The following SPP1 variants were observed in gnomAD, a reference collection of about 807,000 sequenced individuals.
SPP1 encodes osteopontin.
Under a neutral mutation model 20.8 loss-of-function variants are expected in SPP1, and 18 were observed. The ratio of observed to expected loss-of-function variants is 0.87; its 90% confidence interval spans 0.60 to 1.29. The LOEUF is 1.29. Ranked by LOEUF, SPP1 falls within the 50% of genes most tolerant of loss-of-function variation. The pLI is 0.00. For missense variants in SPP1, 363 were observed against 389.0 expected (o/e 0.93, Z 0.56); for synonymous variants, 146 against 141.5 (o/e 1.03, Z -0.23).
chr4:87,977,119 A>G (rs1261584583), intron 3 of SPP1, 22 bp downstream of exon 3: 7 of 1,608,784 alleles, frequency 4.4e-6, no homozygotes, highest in Non-Finnish European at 5.9e-6. Flanking sequence ...TTATGTTTTT[A>G]TATAGTTAAA....
chr4:87,982,919 C>A lies in SPP1; in HGVS notation c.*23C>A. ...TAAAAGGAGAAAAAATACAATTTCTCACTTTGCATTTAGTCAAAAGAAAAA... is the reference window on the plus strand; with the variant it reads ...TAAAAGGAGAAAAAATACAATTTCTAACTTTGCATTTAGTCAAAAGAAAAA... On this transcript the variant is annotated 3_prime_UTR_variant, in exon 7 of 7. Coordinates refer to ENST00000395080, the MANE Select transcript of SPP1 (RefSeq NM_001040058.2). 1 of 1,560,866 alleles carries A rather than the reference C, an allele frequency of 6.4e-7. No individual in the cohort carries two copies. The highest frequency in any genetic ancestry group is 1.2e-5 in the South Asian group (1 of 81,812).
intron 6 of SPP1, 50 bp from the exon 7 acceptor site, chr4:87,982,442 C>T (rs539381992): frequency 1.9e-6 from 3 of 1,575,100 alleles, no homozygotes; most frequent in African/African-American, 2.7e-5. Context: ...TTACCATATT[C>T]CCATCCCTAG....
At chr4:87,979,109 T>C (rs1212275293) in intron 3 of SPP1, among the ~76,000 whole-genome samples, 5 of 152,122 alleles carry the variant, frequency 3.3e-5, no homozygotes, top group African/African-American at 1.2e-4. Flanking sequence ...CATATGGCTA[T>C]TGAGCACTCA....
intron 3 of SPP1, among the ~76,000 whole-genome samples, chr4:87,979,161 CTTTTTTTTT>C (rs10596032): frequency 9.3e-6 from 1 of 107,256 alleles, no homozygotes; most frequent in Non-Finnish European, 1.8e-5. Context: ...TTTTTATCTT[CTTTTTTTTT>C]TTTTTTTTTT....
intron 5 of SPP1, 93 bp downstream of exon 5, chr4:87,980,527 A>C: frequency 7.2e-7 from 1 of 1,395,176 alleles, no homozygotes; most frequent in Non-Finnish European, 9.9e-7. Flanking sequence ...TTTCATTAGC[A>C]AGTTTTCCAG....
chr4:87,982,346 T>TA, intron 6 of SPP1, 146 bp from the exon 7 acceptor site: 1 of 939,492 alleles, frequency 1.1e-6, no homozygotes, highest in South Asian at 1.8e-5. Context: ...TAAAGTACTA[T>TA]ACAAAGTAAC....
chr4:87,981,368 A>T, intron 5 of SPP1, 107 bp from the exon 6 acceptor site: 1 of 1,055,246 alleles, frequency 9.5e-7, no homozygotes, highest in Non-Finnish European at 1.3e-6. Context: ...GAATGCAAAG[A>T]TTCTGAAACT....
intron 3 of SPP1, among the ~76,000 whole-genome samples, chr4:87,978,915 G>A (rs1224632263): frequency 6.6e-6 from 1 of 152,078 alleles, no homozygotes; most frequent in Non-Finnish European, 1.5e-5. Context: ...GGATGATTCA[G>A]CAGATCAGAT....
Position 87,981,777 on chromosome 4 carries a change from G to A in SPP1, c.519G>A (p.Lys173=). The A allele has an allele frequency of 6.2e-7, 1 of 1,613,878 alleles. No individual in the cohort carries two copies. Among genetic ancestry groups the A allele is most frequent in the Non-Finnish European group, 8.5e-7 (1 of 1,179,796 alleles). ...VVYGLRSKSK[K]FRRPDIQYPD... Reference sequence around the variant, plus strand: ...ATGGACTGAGGTCAAAATCTAAGAAGTTTCGCAGACCTGACATCCAGGTAA... The same window carrying A: ...ATGGACTGAGGTCAAAATCTAAGAAATTTCGCAGACCTGACATCCAGGTAA... The change falls in exon 6 of 7, where the codon AAG becomes AAA. Residue 173 remains lysine, a synonymous_variant. Transcript: ENST00000395080.
intron 3 of SPP1, among the ~76,000 whole-genome samples, chr4:87,978,528 G>A (rs981287301): frequency 1.1e-4 from 16 of 151,070 alleles, no homozygotes; most frequent in Admixed American, 4.6e-4. Flanking sequence ...GACTACAGGC[G>A]CCCGCCACCA....
rs535179470 is a variant in SPP1, at chr4:87,981,687, C to A, written c.429C>A (p.Thr143=). The change falls in exon 6 of 7, where the codon ACC becomes ACA. Residue 143 remains threonine (T), a synonymous_variant. Coordinates refer to ENST00000395080, the MANE Select transcript of SPP1 (RefSeq NM_001040058.2). The stretch of plus-strand genomic sequence containing the variant: ...ATTTTCCCACGGACCTGCCAGCAAC[C>A]GAAGTTTTCACTCCAGTTGTCCCCA... ...VTDFPTDLPA[T]EVFTPVVPTV... is the part of the protein sequence containing the mutation. The A allele has an allele frequency of 1.9e-4, 303 of 1,614,138 alleles. 4 individuals carry two copies. The South Asian group carries it at 3.0e-3, about 16-fold the overall frequency.
At position 87,982,654 on chromosome 4, in the gene SPP1, G is replaced by A. The variant is rs1725702283; in HGVS notation, c.703G>A (p.Ala235Thr). Residue 235 changes from alanine (A) to threonine (T), a missense_variant, in exon 7 of 7, where the codon GCT (alanine) becomes ACT (threonine). Ala to Thr is a moderately conservative substitution (Grantham distance 58). Transcript: ENST00000395080. Reference protein sequence around the residue: ...YETSQLDDQSAETHSHKQSRL... With the variant: ...YETSQLDDQSTETHSHKQSRL... ...AACGAGTCAGCTGGATGACCAGAGT[G>A]CTGAAACCCACAGCCACAAGCAGTC... is the stretch of plus-strand genomic sequence containing the variant. The A allele has an allele frequency of 6.2e-7, 1 of 1,613,978 alleles. No individual in the cohort carries two copies. Among genetic ancestry groups the A allele is most frequent in the African/African-American group, 1.3e-5 (1 of 74,890 alleles).
Position 87,982,896 on chromosome 4 carries a change from A to C in SPP1, c.945A>C (p.Ter315TyrextTer12), listed in dbSNP as rs1725722264. The change falls in exon 7 of 7, where the codon TAA becomes TAC. Residue 315 changes from the stop codon to tyrosine (Y), a stop_lost. Coordinates refer to ENST00000395080, the MANE Select transcript of SPP1 (RefSeq NM_001040058.2). ...ELDSASSEVN[*>Y] ...ATAGTGCATCTTCTGAGGTCAATTA[A>C]AAGGAGAAAAAATACAATTTCTCAC... is the stretch of plus-strand genomic sequence containing the variant. The C allele has an allele frequency of 1.9e-6, 3 of 1,580,772 alleles. No homozygotes were observed. The East Asian group carries it at 6.7e-5, about 36-fold the overall frequency.
At chr4:87,981,005 C>T (rs900861885) in intron 5 of SPP1, among the ~76,000 whole-genome samples, 2 of 152,156 alleles carry the variant, frequency 1.3e-5, no homozygotes, top group East Asian at 1.9e-4. Context: ...ATAACAGAGT[C>T]ACCTTTCAAT....
At chr4:87,981,840 C>T (rs1289471413) in intron 6 of SPP1, 42 bp downstream of exon 6, 1 of 1,565,534 alleles carries the variant, frequency 6.4e-7, no homozygotes. Flanking sequence ...CTGACTAGCG[C>T]TCAAGTCTAG....
At chr4:87,981,887 C>A in intron 6 of SPP1, 89 bp downstream of exon 6, 1 of 1,110,688 alleles carries the variant, frequency 9.0e-7, no homozygotes, top group Non-Finnish European at 1.3e-6. Flanking sequence ...TTCATTCATC[C>A]ATTCATTCAT....
At position 87,980,125 on chromosome 4, in the gene SPP1, A is replaced by T. The variant is rs1725584805; in HGVS notation, c.173A>T (p.Gln58Leu). ...CAGAAGCAGAATCTCCTAGCCCCAC[A>T]GGTATTTTTAAACTTCTCATAATTA... ...PSQKQNLLAPQNAVSSEETND... is the reference protein window; with the variant it reads ...PSQKQNLLAPLNAVSSEETND... Residue 58 changes from glutamine (Q) to leucine (L), a missense_variant and splice_region_variant, in exon 4 of 7, where the codon CAG becomes CTG. Coordinates refer to ENST00000395080, the MANE Select transcript of SPP1 (RefSeq NM_001040058.2). 8 of 1,614,142 alleles carry T rather than the reference A, an allele frequency of 5.0e-6. No homozygotes were observed. Among genetic ancestry groups the T allele is most frequent in the Non-Finnish European group, 6.8e-6 (8 of 1,179,982 alleles).
chr4:87,981,631 C>A lies in SPP1; in HGVS notation c.373C>A (p.His125Asn). The change falls in exon 6 of 7, where the codon CAT becomes AAT. Residue 125 changes from histidine (H) to asparagine (N), a missense_variant. Physicochemically the swap from His to Asn is moderately conservative, Grantham distance 68. Coordinates refer to ENST00000395080, the MANE Select transcript of SPP1 (RefSeq NM_001040058.2). ...DDSHQSDESH[H>N]SDESDELVTD... Reference sequence around the variant, plus strand: ...TTCTCACCAGTCTGATGAGTCTCACCATTCTGATGAATCTGATGAACTGGT... The same window carrying A: ...TTCTCACCAGTCTGATGAGTCTCACAATTCTGATGAATCTGATGAACTGGT... 1.9e-6 allele frequency: 3 copies of A among 1,614,180 alleles called. No individual in the cohort carries two copies. In the South Asian group the frequency reaches 3.3e-5, roughly 18 times the overall value.
At chr4:87,978,497 C>A (rs1017286656) in intron 3 of SPP1, among the ~76,000 whole-genome samples, 2 of 151,018 alleles carry the variant, frequency 1.3e-5, no homozygotes, top group African/African-American at 2.4e-5. Context: ...CCAGGTTCAC[C>A]CCATTCTCCT....
Sources: gnomAD v4.1 joint callset for allele counts (sites outside exome capture counted in the v4.1 genomes callset) on GRCh38, gnomAD v4.1.1 for gene constraint, MANE v1.5 for transcripts, NCBI Gene and HGNC (gene_info 2026-07-23, HGNC 2026-07-21) for gene names.